BACH1: variants seen among roughly 807,000 people sequenced by gnomAD.
BACH1 encodes transcription regulator protein BACH1.
A neutral mutation model predicts 52.9 loss-of-function variants in BACH1; 35 were observed. The observed-to-expected ratio is 0.66, with a 90% CI of 0.51 to 0.88. BACH1 has a LOEUF of 0.88. BACH1 is among the 40% of genes least tolerant of loss of function. The pLI, the probability that BACH1 is intolerant of heterozygous loss-of-function variation, is 0.00. For synonymous variants in BACH1, 321 were observed against 319.6 expected (o/e 1.00, Z -0.05); for missense variants, 808 against 872.6 (o/e 0.93, Z 0.93).
chr21:29,302,956 T>A (rs1461336691), intron 1 of BACH1, among the ~76,000 whole-genome samples: 1 of 152,256 alleles, frequency 6.6e-6, no homozygotes, highest in African/African-American at 2.4e-5. Context: ...TAATTGAAAC[T>A]GGCTTTTACG....
chr21:29,316,165 C>T (rs1401920233), intron 1 of BACH1, among the ~76,000 whole-genome samples: 2 of 152,144 alleles, frequency 1.3e-5, no homozygotes, highest in East Asian at 3.8e-4. Flanking sequence ...GTTCCATGAT[C>T]ACATGTTCAC....
At chr21:29,347,433 G>C (rs748999599), downstream of BACH1, among the ~76,000 whole-genome samples, 1 of 152,316 alleles carries the variant, frequency 6.6e-6, no homozygotes, top group African/African-American at 2.4e-5. Flanking sequence ...CTACATCAGG[G>C]CCAGGACAAA....
rs2089160459 is a variant in BACH1 at position 29,345,546 on chromosome 21, T to C, written c.*2713T>C. 1 of 152,424 alleles carries C rather than the reference T, an allele frequency of 6.6e-6. No individual in the cohort carries two copies. Among genetic ancestry groups the C allele is most frequent in the Non-Finnish European group, 1.5e-5 (1 of 68,028 alleles). The allele number at this position is 152,424 out of a possible 1,614,324, so 9.4% of individuals were successfully genotyped here. A position where few individuals can be genotyped will look rare whatever the true frequency, so the allele number is the denominator to read the frequency against. On this transcript the variant is annotated 3_prime_UTR_variant, in exon 5 of 5. Transcript: ENST00000286800. Reference sequence around the variant, plus strand: ...TCTGGAACTATAGCAAATAATTCGTTAAATTGTCATATTCAAAACAAATGT... The same window carrying C: ...TCTGGAACTATAGCAAATAATTCGTCAAATTGTCATATTCAAAACAAATGT...
chr21:29,315,190 C>G (rs2088772220), intron 1 of BACH1, among the ~76,000 whole-genome samples: 1 of 151,972 alleles, frequency 6.6e-6, no homozygotes, highest in African/African-American at 2.4e-5. Flanking sequence ...GGATCTTTGC[C>G]ATCCACTTGA....
At chr21:29,305,401 A>G (rs75899784) in intron 1 of BACH1, 2 of 151,190 alleles carry the variant, frequency 1.3e-5, no homozygotes, top group African/African-American at 4.9e-5. Flanking sequence ...AACTATAGGT[A>G]TTTTTTTTTA....
At chr21:29,304,422 G>A (rs570914017) in intron 1 of BACH1, among the ~76,000 whole-genome samples, 108 of 152,132 alleles carry the variant, frequency 7.1e-4, no homozygotes, top group Non-Finnish European at 1.2e-3. Context: ...ACTGTGCCTG[G>A]CCCCTAATTA....
At chr21:29,336,648 T>C (rs1241825823) in intron 4 of BACH1, among the ~76,000 whole-genome samples, 1 of 152,092 alleles carries the variant, frequency 6.6e-6, no homozygotes, top group East Asian at 1.9e-4. Flanking sequence ...GGATTGTTCT[T>C]CCTTTCTTTC....
Position 29,342,586 on chromosome 21 carries a change from A to C in BACH1, c.1964A>C (p.Lys655Thr). The C allele has an allele frequency of 6.2e-6, 10 of 1,614,210 alleles. No homozygotes were observed. Among genetic ancestry groups the C allele is most frequent in the Non-Finnish European group, 7.6e-6 (9 of 1,180,040 alleles). Residue 655 changes from lysine (K) to threonine (T), a missense_variant, in exon 5 of 5, where the codon AAA (lysine) becomes ACA (threonine). By Grantham distance (78) the Lys-to-Thr change is moderately conservative (BLOSUM62 -1). Coordinates refer to ENST00000286800, the MANE Select transcript of BACH1 (RefSeq NM_001186.4). ...CCACTTTCATTTTTAATTTCTGAAA[A>C]AGATAAAAGTACTCCTGATGGTGAA... The part of the protein sequence containing the change: ...DCPLSFLISE[K>T]DKSTPDGELA...
At chr21:29,358,929 T>C (rs2089255386) in intron 2 of BACH1, 1 of 152,148 alleles carries the variant, frequency 6.6e-6, no homozygotes. Context: ...GGGGGTAGTA[T>C]TTAAAATAGC....
intron 2 of BACH1, among the ~76,000 whole-genome samples, chr21:29,354,966 A>G (rs1402390512): frequency 6.6e-6 from 1 of 152,214 alleles, no homozygotes; most frequent in Non-Finnish European, 1.5e-5. Flanking sequence ...AAGGAACACT[A>G]GAGGAGAAGG....
At chr21:29,358,094 A>G (rs1220314930) in intron 2 of BACH1, among the ~76,000 whole-genome samples, 1 of 152,154 alleles carries the variant, frequency 6.6e-6, no homozygotes, top group Non-Finnish European at 1.5e-5. Context: ...CCCTGGACAC[A>G]GGGGAGAAGG....
chr21:29,324,757 A>G lies in BACH1; in HGVS notation c.235-1302A>G, dbSNP rs1238372565. Among the ~76,000 whole-genome samples, 6 of 152,276 alleles carry G rather than the reference A, an allele frequency of 3.9e-5. No homozygotes were observed. In the East Asian group the frequency reaches 1.2e-3, roughly 29 times the overall value. On this transcript the variant is annotated intron_variant, in intron 2 of 4. Transcript: ENST00000286800. ...GAGTGCAGTTGCTGGGTTATATGGT[A>G]GTTGCATGTTTAGTTTTATAAGAAA...
At chr21:29,323,987 C>A (rs1160321210) in intron 2 of BACH1, among the ~76,000 whole-genome samples, 2 of 152,164 alleles carry the variant, frequency 1.3e-5, no homozygotes, top group Non-Finnish European at 2.9e-5. Flanking sequence ...CCCAGTGGCT[C>A]ATGCCTGTAA....
intron 2 of BACH1, among the ~76,000 whole-genome samples, chr21:29,325,827 A>C (rs1437999987): frequency 6.6e-6 from 1 of 152,196 alleles, no homozygotes; most frequent in Non-Finnish European, 1.5e-5. Flanking sequence ...ATTCATGTGC[A>C]ATTAAGAGAG....
At chr21:29,315,637 C>T (rs1253532218) in intron 1 of BACH1, among the ~76,000 whole-genome samples, 2 of 152,198 alleles carry the variant, frequency 1.3e-5, no homozygotes, top group Non-Finnish European at 2.9e-5. Flanking sequence ...CACACACACA[C>T]ACCCTTGACT....
chr21:29,348,954 C>T (rs891939504), downstream of BACH1, among the ~76,000 whole-genome samples: 4 of 151,914 alleles, frequency 2.6e-5, no homozygotes, highest in Non-Finnish European at 5.9e-5. Flanking sequence ...ATTAGCCGGG[C>T]GTGGTGGCAG....
chr21:29,357,446 T>C (rs2089241897), intron 2 of BACH1, among the ~76,000 whole-genome samples: 1 of 152,192 alleles, frequency 6.6e-6, no homozygotes, highest in African/African-American at 2.4e-5. Flanking sequence ...GGGCCACGCA[T>C]GTACATATTT....
chr21:29,335,306 G>A (rs1156459633), intron 4 of BACH1, among the ~76,000 whole-genome samples: 1 of 152,174 alleles, frequency 6.6e-6, no homozygotes, highest in African/African-American at 2.4e-5. Context: ...TGAGATCAGG[G>A]ATGAAAAGCT....
intron 1 of BACH1, among the ~76,000 whole-genome samples, chr21:29,306,055 A>G (rs2088653081): frequency 6.6e-6 from 1 of 152,314 alleles, no homozygotes; most frequent in Non-Finnish European, 1.5e-5. Context: ...ATGTTTAGTG[A>G]TGAATGCATA....
Sources: gnomAD v4.1 joint callset for allele counts (sites outside exome capture counted in the v4.1 genomes callset) on GRCh38, gnomAD v4.1.1 for gene constraint, MANE v1.5 for transcripts, NCBI Gene and HGNC (gene_info 2026-07-23, HGNC 2026-07-21) for gene names.